The following ARHGAP18 variants were observed in gnomAD, a reference collection of about 807,000 sequenced individuals.
ARHGAP18 encodes Rho GTPase activating protein 18, also known as rho GTPase-activating protein 18.
ARHGAP18 carries 67 observed loss-of-function variants against 86.2 expected under a neutral mutation model. The observed-to-expected ratio is 0.78, with a 90% CI of 0.64 to 0.95. ARHGAP18 has a LOEUF of 0.95. Among genes scored for constraint, ARHGAP18 ranks in the 40% least tolerant of loss-of-function variants. ARHGAP18 has a pLI of 0.00. For synonymous variants in ARHGAP18, 283 were observed against 280.4 expected, an observed-to-expected ratio of 1.01 and a Z score of -0.09; for missense variants, 691 against 780.4, an observed-to-expected ratio of 0.89 and a Z score of 1.37.
intron 1 of ARHGAP18, among the ~76,000 whole-genome samples, chr6:129,664,091 G>A (rs936986402): frequency 4.6e-5 from 7 of 152,190 alleles, no homozygotes; most frequent in African/African-American, 1.7e-4. Context: ...CTATCTATGG[G>A]TCCCTGTGGG....
Position 129,576,184 on chromosome 6 carries a change from G to A in ARHGAP18, c.*2329C>T, listed in dbSNP as rs558681048. On this transcript the variant is annotated 3_prime_UTR_variant, in exon 15 of 15. Coordinates refer to ENST00000368149, the MANE Select transcript of ARHGAP18 (RefSeq NM_033515.3). ...TTTTATTTTGTCTCATACACACACAGAAAAACAAATAAAAATCTAGCCTGA... is the reference window on the plus strand; with the variant it reads ...TTTTATTTTGTCTCATACACACACAAAAAAACAAATAAAAATCTAGCCTGA... 1.3e-5 allele frequency: 2 copies of A among 151,960 alleles called. No individual in the cohort carries two copies. The highest frequency in any genetic ancestry group is 3.9e-4 in the East Asian group (2 of 5,158). The allele number at this position is 151,960 out of a possible 1,614,324, so 9.4% of individuals were successfully genotyped here.
chr6:129,640,831 G>A (rs6931247), intron 2 of ARHGAP18, among the ~76,000 whole-genome samples: 43,322 of 151,984 alleles, frequency 0.29, 6,350 homozygotes, highest in Non-Finnish European at 0.3. Context: ...ACTTACAAAT[G>A]TATAGATGGC....
chr6:129,609,945 C>T (rs988870285), intron 8 of ARHGAP18, among the ~76,000 whole-genome samples: 1 of 151,158 alleles, frequency 6.6e-6, no homozygotes, highest in African/African-American at 2.5e-5. Flanking sequence ...CTGGCAACAC[C>T]ACAGCCCATT....
chr6:129,641,778 T>C (rs2114499843), intron 2 of ARHGAP18, 38 bp downstream of exon 2: 5 of 1,559,258 alleles, frequency 3.2e-6, no homozygotes, highest in Non-Finnish European at 4.4e-6. Context: ...TATAAATACA[T>C]ATACAAACAA....
chr6:129,581,934 TAATAGA>T (rs1296886492), intron 13 of ARHGAP18, among the ~76,000 whole-genome samples: 2 of 152,150 alleles, frequency 1.3e-5, no homozygotes, highest in African/African-American at 4.8e-5. Flanking sequence ...TTAATTACAA[TAATAGA>T]TGCTATTCTG....
rs1203383673 is a variant in ARHGAP18, at chr6:129,639,177, A to G, written c.317-548T>C. Among the ~76,000 whole-genome samples, 3 of 148,486 alleles carry G rather than the reference A, an allele frequency of 2.0e-5. No homozygotes were observed. The East Asian group carries it at 5.9e-4, about 29-fold the overall frequency. On this transcript the variant is annotated intron_variant, in intron 2 of 14. Coordinates refer to ENST00000368149, the MANE Select transcript of ARHGAP18 (RefSeq NM_033515.3). Reference sequence around the variant, plus strand: ...ATCTTCCAAGTCAGCACATCAGATTATGTATTTTTACAATGTTTTTTTAAA... The same window carrying G: ...ATCTTCCAAGTCAGCACATCAGATTGTGTATTTTTACAATGTTTTTTTAAA...
chr6:129,660,732 G>A (rs1423954027), intron 1 of ARHGAP18, among the ~76,000 whole-genome samples: 2 of 152,254 alleles, frequency 1.3e-5, no homozygotes, highest in South Asian at 4.2e-4. Context: ...GACAAGAACT[G>A]ATCTAGACAT....
chr6:129,661,775 A>G (rs1426281743), intron 1 of ARHGAP18: 1 of 653,060 alleles, frequency 1.5e-6, no homozygotes, highest in Non-Finnish European at 1.9e-6. Flanking sequence ...AACACCACAA[A>G]TAACGTGCAG....
At chr6:129,623,674 A>T (rs887549520) in intron 5 of ARHGAP18, among the ~76,000 whole-genome samples, 1 of 152,210 alleles carries the variant, frequency 6.6e-6, no homozygotes, top group Admixed American at 6.5e-5. Flanking sequence ...TACAAATCTT[A>T]CTTTTTCAAC....
intron 1 of ARHGAP18, among the ~76,000 whole-genome samples, chr6:129,656,303 G>A (rs1322509351): frequency 6.6e-6 from 1 of 152,222 alleles, no homozygotes; most frequent in East Asian, 1.9e-4. Flanking sequence ...CTCACTGCTA[G>A]TTAAACATAG....
At chr6:129,653,049 T>C (rs1773749861) in intron 1 of ARHGAP18, among the ~76,000 whole-genome samples, 1 of 152,100 alleles carries the variant, frequency 6.6e-6, no homozygotes, top group Non-Finnish European at 1.5e-5. Flanking sequence ...ATACACACCA[T>C]ATTATGAAAG....
chr6:129,661,232 AG>A (rs1773944188), intron 1 of ARHGAP18, among the ~76,000 whole-genome samples: 1 of 148,396 alleles, frequency 6.7e-6, no homozygotes, highest in South Asian at 2.2e-4. Flanking sequence ...ACACACCTGT[AG>A]TCCTAGCTTC....
At position 129,599,322 on chromosome 6, in the gene ARHGAP18, T is replaced by C; in HGVS notation, c.1607A>G (p.Gln536Arg). ...ATCCTTTTTATGATTTTCCGTGTTT[T>C]GCTTCCTCACTTGGTTTACAATAAA... ...PKFIVNQVRK[Q>R]NTENHKKDKR... The change falls in exon 12 of 15, where the codon CAA becomes CGA. Residue 536 changes from glutamine (Q) to arginine (R), a missense_variant. Coordinates refer to ENST00000368149, the MANE Select transcript of ARHGAP18 (RefSeq NM_033515.3). 6.3e-7 allele frequency: 1 copy of C among 1,590,736 alleles called. No homozygotes were observed. Among genetic ancestry groups the C allele is most frequent in the South Asian group, 1.2e-5 (1 of 86,276 alleles).
intron 1 of ARHGAP18, among the ~76,000 whole-genome samples, chr6:129,676,772 T>A (rs906978068): frequency 2.6e-5 from 4 of 152,008 alleles, no homozygotes; most frequent in African/African-American, 9.7e-5. Flanking sequence ...CTGCATTTCC[T>A]TGGGTGTGGA....
intron 7 of ARHGAP18, among the ~76,000 whole-genome samples, chr6:129,611,927 T>C (rs959058978): frequency 6.6e-6 from 1 of 152,254 alleles, no homozygotes; most frequent in Non-Finnish European, 1.5e-5. Context: ...CTATTTATTC[T>C]GCTTTTCCAG....
At chr6:129,702,517 C>G (rs771504851) in intron 1 of ARHGAP18, among the ~76,000 whole-genome samples, 5 of 152,182 alleles carry the variant, frequency 3.3e-5, no homozygotes, top group Admixed American at 1.3e-4. Flanking sequence ...GGGCACAGGA[C>G]AGAGGGCACC....
intron 1 of ARHGAP18, among the ~76,000 whole-genome samples, chr6:129,705,432 G>A (rs1259931288): frequency 6.6e-6 from 1 of 152,056 alleles, no homozygotes; most frequent in Non-Finnish European, 1.5e-5. Context: ...AGACCTCAAT[G>A]CCCATCAATA....
intron 8 of ARHGAP18, among the ~76,000 whole-genome samples, chr6:129,608,834 GTAT>G (rs1788914109): frequency 6.6e-6 from 1 of 152,100 alleles, no homozygotes; most frequent in Non-Finnish European, 1.5e-5. Flanking sequence ...TTCTCCCAAA[GTAT>G]GTTCTTTGTT....
chr6:129,644,159 C>T (rs895949494), intron 1 of ARHGAP18, among the ~76,000 whole-genome samples: 5 of 152,138 alleles, frequency 3.3e-5, no homozygotes, highest in African/African-American at 1.2e-4. Flanking sequence ...GAATCTCTTT[C>T]CTTAAGTCTC....
Sources: gnomAD v4.1 joint callset for allele counts (sites outside exome capture counted in the v4.1 genomes callset) on GRCh38, gnomAD v4.1.1 for gene constraint, MANE v1.5 for transcripts, NCBI Gene and HGNC (gene_info 2026-07-23, HGNC 2026-07-21) for gene names.